Variants in CNTN6 observed in about 807,000 individuals in gnomAD.
CNTN6 encodes contactin 6.
CNTN6 carries 137 observed loss-of-function variants against 122.8 expected under a neutral mutation model. The ratio of observed to expected loss-of-function variants is 1.12; its 90% CI spans 0.97 to 1.29. CNTN6 has a LOEUF of 1.29. CNTN6 is among the 50% of genes most tolerant of loss of function. CNTN6 has a pLI of 0.00. For missense variants in CNTN6, 1,634 were observed against 1,223.4 expected (o/e 1.34, Z -5.01); for synonymous variants, 570 against 426.0 (o/e 1.34, Z -4.16).
intron 7 of CNTN6, among the ~76,000 whole-genome samples, chr3:1,319,938 C>T (rs1053396965): frequency 4.6e-5 from 7 of 151,558 alleles, no homozygotes; most frequent in Non-Finnish European, 7.4e-5. Flanking sequence ...ACAACATATG[C>T]ATTTTTAATT....
chr3:1,273,054 C>T (rs941629313), intron 4 of CNTN6, among the ~76,000 whole-genome samples: 3 of 152,260 alleles, frequency 2.0e-5, no homozygotes, highest in Admixed American at 6.5e-5. Flanking sequence ...GAGCCTTATT[C>T]GTGACTGCAT....
At chr3:1,392,133 T>C (rs1335932044) in intron 20 of CNTN6, among the ~76,000 whole-genome samples, 13 of 152,250 alleles carry the variant, frequency 8.5e-5, no homozygotes, top group African/African-American at 2.9e-4. Flanking sequence ...GCTGGAGGCA[T>C]CACACTACCT....
intron 1 of CNTN6, among the ~76,000 whole-genome samples, chr3:1,094,836 G>A (rs1225263633): frequency 1.3e-5 from 2 of 151,586 alleles, no homozygotes; most frequent in African/African-American, 4.8e-5. Context: ...TTTTATGTGA[G>A]GAGAAGGAAT....
chr3:1,169,827 C>T (rs1232354081), intron 2 of CNTN6, among the ~76,000 whole-genome samples: 4 of 152,122 alleles, frequency 2.6e-5, no homozygotes, highest in African/African-American at 7.2e-5. Flanking sequence ...CCAAATATCA[C>T]CAAAAATTCT....
chr3:1,385,975 T>A (rs747150998), intron 20 of CNTN6, among the ~76,000 whole-genome samples, 178 bp downstream of exon 20: 8 of 152,230 alleles, frequency 5.3e-5, no homozygotes, highest in Non-Finnish European at 1.2e-4. Flanking sequence ...TCAAGGTAAT[T>A]GTTTTCATAT....
At chr3:1,176,725 T>A (rs2093457008) in intron 2 of CNTN6, among the ~76,000 whole-genome samples, 2 of 152,204 alleles carry the variant, frequency 1.3e-5, no homozygotes, top group Admixed American at 1.3e-4. Flanking sequence ...AAATTGAATT[T>A]ACTAAGTGGA....
intron 12 of CNTN6, among the ~76,000 whole-genome samples, chr3:1,369,170 A>C (rs573389376): frequency 6.6e-6 from 1 of 152,222 alleles, no homozygotes; most frequent in South Asian, 2.1e-4. Context: ...GCTCACTACT[A>C]CTTGCCTTTT....
chr3:1,220,896 A>T, intron 3 of CNTN6, 83 bp downstream of exon 3: 1 of 1,428,478 alleles, frequency 7.0e-7, no homozygotes, highest in East Asian at 2.3e-5. Context: ...GTTTTATAAA[A>T]TGTCCTAATT....
chr3:1,258,953 G>T (rs1002092221), intron 4 of CNTN6, among the ~76,000 whole-genome samples: 2 of 151,996 alleles, frequency 1.3e-5, no homozygotes, highest in South Asian at 4.1e-4. Flanking sequence ...TTGATTTTCC[G>T]GCCAATGTCT....
chr3:1,373,464 T>C, intron 14 of CNTN6, 140 bp from the exon 15 acceptor site: 1 of 701,352 alleles, frequency 1.4e-6, no homozygotes, highest in Non-Finnish European at 2.3e-6. Flanking sequence ...AATAGAACTT[T>C]ATCGCTAATA....
At chr3:1,384,730 CATAT>C (rs772047051) in intron 19 of CNTN6, among the ~76,000 whole-genome samples, 35 of 117,036 alleles carry the variant, frequency 3.0e-4, no homozygotes, top group African/African-American at 3.5e-4. Flanking sequence ...TATATACACA[CATAT>C]ATATACATAT....
At chr3:1,280,459 ATTTT>A (rs71619483) in intron 5 of CNTN6, among the ~76,000 whole-genome samples, 10 of 66,620 alleles carry the variant, frequency 1.5e-4, no homozygotes, top group Non-Finnish European at 1.4e-4. Flanking sequence ...TGTAATACCA[ATTTT>A]TTTTTTTTTT....
intron 16 of CNTN6, among the ~76,000 whole-genome samples, chr3:1,375,640 C>G (rs1002963047): frequency 4.6e-5 from 7 of 152,070 alleles, no homozygotes; most frequent in African/African-American, 1.7e-4. Context: ...CTGTCAAGCA[C>G]TATAAATTCA....
At chr3:1,139,214 T>G (rs1441262582) in intron 1 of CNTN6, among the ~76,000 whole-genome samples, 1 of 152,194 alleles carries the variant, frequency 6.6e-6, no homozygotes, top group East Asian at 1.9e-4. Flanking sequence ...ATTTGCTATC[T>G]AGTCCTTTAT....
Position 1,341,752 on chromosome 3 carries a change from C to T in CNTN6, c.1365-10572C>T, listed in dbSNP as rs373773996. Among the ~76,000 whole-genome samples, 6 of 152,176 alleles carry T rather than the reference C, an allele frequency of 3.9e-5. No homozygotes were observed. The East Asian group carries it at 5.8e-4, about 15-fold the overall frequency. On this transcript the variant is annotated intron_variant, in intron 11 of 22. Coordinates refer to ENST00000446702, the MANE Select transcript of CNTN6 (RefSeq NM_001289080.2). ...GGTCTGAATATTTGATGCTTCCTTT[C>T]TGCTTTGGAGTTTAAGACAGTTGAA...
chr3:1,220,925 G>C (rs999432457), intron 3 of CNTN6, 112 bp downstream of exon 3: 1 of 1,168,234 alleles, frequency 8.6e-7, no homozygotes, highest in African/African-American at 1.6e-5. Flanking sequence ...ACAGCTCAAG[G>C]AATTTCTCTA....
intron 1 of CNTN6, among the ~76,000 whole-genome samples, chr3:1,093,945 A>G (rs767226601): frequency 9.7e-4 from 147 of 152,210 alleles, no homozygotes; most frequent in Non-Finnish European, 8.7e-4. Flanking sequence ...TTATGTTTAA[A>G]TAATCAGCAT....
intron 2 of CNTN6, among the ~76,000 whole-genome samples, chr3:1,158,927 TATATAC>T (rs1321071531): frequency 8.6e-6 from 1 of 116,174 alleles, no homozygotes; most frequent in African/African-American, 3.6e-5. Context: ...CACATATATA[TATATAC>T]ACACACACAT....
intron 4 of CNTN6, among the ~76,000 whole-genome samples, chr3:1,228,346 AG>A (rs2094312200): frequency 6.6e-6 from 1 of 152,146 alleles, no homozygotes; most frequent in Non-Finnish European, 1.5e-5. Context: ...GAGCACAGGA[AG>A]AAAAAGCTGA....
Sources: gnomAD v4.1 joint callset for allele counts (sites outside exome capture counted in the v4.1 genomes callset) on GRCh38, gnomAD v4.1.1 for gene constraint, MANE v1.5 for transcripts, NCBI Gene and HGNC (gene_info 2026-07-23, HGNC 2026-07-21) for gene names.